The following GALNTL6 variants were observed in gnomAD, a reference collection of about 807,000 sequenced individuals.
GALNTL6 encodes the protein polypeptide N-acetylgalactosaminyltransferase-like 6.
A neutral mutation model predicts 73.7 loss-of-function variants in GALNTL6; 46 were observed. The ratio of observed to expected loss-of-function variants is 0.62; its 90% confidence interval spans 0.49 to 0.80. The LOEUF (loss-of-function observed/expected upper bound fraction) is 0.80. Among genes scored for constraint, GALNTL6 ranks in the 30% least tolerant of loss-of-function variants. The pLI is 0.00. For missense variants in GALNTL6, 604 were observed against 755.0 expected (o/e 0.80, Z 2.34); for synonymous variants, 259 against 263.7 (o/e 0.98, Z 0.17).
At chr4:172,790,739 A>G (rs900200820) in intron 5 of GALNTL6, among the ~76,000 whole-genome samples, 1 of 151,884 alleles carries the variant, frequency 6.6e-6, no homozygotes, top group Non-Finnish European at 1.5e-5. Flanking sequence ...AAAAATACAA[A>G]AAAAATTAGC....
chr4:171,832,924 A>G (rs2110827903), intron 2 of GALNTL6, among the ~76,000 whole-genome samples: 1 of 151,898 alleles, frequency 6.6e-6, no homozygotes, highest in Non-Finnish European at 1.5e-5. Flanking sequence ...TGTTTAAATT[A>G]CCCTCATTTG....
intron 2 of GALNTL6, among the ~76,000 whole-genome samples, chr4:171,874,342 AC>A (rs1736217859): frequency 6.6e-6 from 1 of 152,092 alleles, no homozygotes; most frequent in Non-Finnish European, 1.5e-5. Flanking sequence ...GGCATGCCCC[AC>A]CATGCCAGGC....
chr4:172,736,362 CT>C lies in GALNTL6; in HGVS notation c.554-72998del, dbSNP rs1278999800. On this transcript the variant is annotated intron_variant, in intron 5 of 12. Transcript: ENST00000506823. ...GAAAAAGAATTCAGTGATATTTCCC[CT>C]ATTCGCTTTTGCGAGAAGAGAAATA... Among the ~76,000 whole-genome samples the C allele has an allele frequency of 3.3e-5, 5 of 152,328 alleles. No individual in the cohort carries two copies. In the East Asian group the frequency reaches 5.8e-4, roughly 18 times the overall value.
At chr4:172,367,273 A>G (rs1309951016) in intron 5 of GALNTL6, among the ~76,000 whole-genome samples, 1 of 152,174 alleles carries the variant, frequency 6.6e-6, no homozygotes, top group Non-Finnish European at 1.5e-5. Flanking sequence ...TGGTCTTCCT[A>G]CAAGGATGAA....
At chr4:172,817,851 G>A (rs1215527684) in intron 7 of GALNTL6, among the ~76,000 whole-genome samples, 1 of 152,168 alleles carries the variant, frequency 6.6e-6, no homozygotes, top group East Asian at 1.9e-4. Flanking sequence ...CTTATTGACA[G>A]AAATGTTTTC....
intron 2 of GALNTL6, among the ~76,000 whole-genome samples, chr4:171,837,772 G>A (rs1331007836): frequency 1.3e-5 from 2 of 149,126 alleles, no homozygotes; most frequent in African/African-American, 4.9e-5. Context: ...AATAATGTAA[G>A]GGGGAAAACG....
At position 172,504,171 on chromosome 4, in the gene GALNTL6, A is replaced by AAAAAAAAAAACC. The variant is rs1297265192; in HGVS notation, c.553+155490_553+155491insAACCAAAAAAAA. Reference sequence around the variant, plus strand: ...CGAGACTCTGTCTCAAAAAAAAAAAAAAAAAAAACTCACACCTTGTTGATA... The same window carrying AAAAAAAAAAACC: ...CGAGACTCTGTCTCAAAAAAAAAAAAAAAAAAAAAACCAAAAAAAACTCACACCTTGTTGATA... On this transcript the variant is annotated intron_variant, in intron 5 of 12. Transcript: ENST00000506823. Among the ~76,000 whole-genome samples the AAAAAAAAAAACC allele has an allele frequency of 1.6e-4, 7 of 42,646 alleles. 1 individual carries two copies. The highest frequency in any genetic ancestry group is 4.2e-4 in the African/African-American group (7 of 16,576). 28.0% of individuals were successfully genotyped at this position (42,646 alleles called of 152,430 possible). A position where few individuals can be genotyped will look rare whatever the true frequency, so the allele number is the denominator to read the frequency against.
In GALNTL6 at chr4:172,343,787, T is replaced by C. The variant is rs200059099; in HGVS notation, c.387-4736T>C. Among the ~76,000 whole-genome samples, 151 of 151,262 alleles carry C rather than the reference T, an allele frequency of 1.0e-3. 1 individual carries two copies. The South Asian group carries it at 0.016, about 16-fold the overall frequency. On this transcript the variant is annotated intron_variant, in intron 4 of 12. Coordinates refer to ENST00000506823, the MANE Select transcript of GALNTL6 (RefSeq NM_001034845.3). ...AGAATGTTTACAAAATAATTTGGAT[T>C]TTTTTTTTGGATTTTTAAATGCCTT...
chr4:172,353,965 A>G (rs1263269633), intron 5 of GALNTL6, among the ~76,000 whole-genome samples: 2 of 152,202 alleles, frequency 1.3e-5, no homozygotes, highest in South Asian at 2.1e-4. Flanking sequence ...GAAAGTTTCC[A>G]TAAGCAGACA....
intron 5 of GALNTL6, among the ~76,000 whole-genome samples, chr4:172,403,847 C>T (rs896315843): frequency 1.3e-5 from 2 of 151,798 alleles, no homozygotes; most frequent in Non-Finnish European, 2.9e-5. Context: ...TCTTCAGAAA[C>T]GGTTGATACT....
At chr4:172,747,437 C>CA (rs919533699) in intron 5 of GALNTL6, among the ~76,000 whole-genome samples, 1 of 151,648 alleles carries the variant, frequency 6.6e-6, no homozygotes, top group Non-Finnish European at 1.5e-5. Flanking sequence ...AGCTAATTAT[C>CA]AAAAAAATAC....
At chr4:172,327,311 G>A (rs1740976235) in intron 4 of GALNTL6, among the ~76,000 whole-genome samples, 1 of 152,050 alleles carries the variant, frequency 6.6e-6, no homozygotes, top group Admixed American at 6.6e-5. Flanking sequence ...ACTGTTTTAT[G>A]TCTGATTATG....
At chr4:171,861,446 TG>T (rs1735828836) in intron 2 of GALNTL6, among the ~76,000 whole-genome samples, 4 of 152,240 alleles carry the variant, frequency 2.6e-5, no homozygotes, top group African/African-American at 9.6e-5. Context: ...TTGCTTTTCC[TG>T]ACCTGTCTCC....
intron 10 of GALNTL6, among the ~76,000 whole-genome samples, chr4:172,991,508 T>A (rs1348346448): frequency 2.0e-5 from 3 of 152,082 alleles, no homozygotes; most frequent in Non-Finnish European, 4.4e-5. Flanking sequence ...CAAGCGATTC[T>A]CCTAACTCAG....
chr4:172,034,551 T>A (rs752001521), intron 2 of GALNTL6, among the ~76,000 whole-genome samples: 78 of 152,106 alleles, frequency 5.1e-4, no homozygotes, highest in Non-Finnish European at 4.4e-5. Context: ...CAAGTCAGAC[T>A]CAGTGGTGTG....
At chr4:172,493,585 T>C (rs745444492) in intron 5 of GALNTL6, among the ~76,000 whole-genome samples, 4 of 152,160 alleles carry the variant, frequency 2.6e-5, no homozygotes, top group Non-Finnish European at 5.9e-5. Flanking sequence ...ACATATGATA[T>C]GTAGCTAGAG....
intron 2 of GALNTL6, among the ~76,000 whole-genome samples, chr4:171,986,992 G>C (rs969435977): frequency 1.3e-5 from 2 of 152,112 alleles, no homozygotes; most frequent in African/African-American, 2.4e-5. Context: ...AGTTGAGAAC[G>C]GTGAATAGGC....
At chr4:172,893,695 G>A (rs1252951831) in intron 8 of GALNTL6, among the ~76,000 whole-genome samples, 4 of 152,218 alleles carry the variant, frequency 2.6e-5, no homozygotes, top group African/African-American at 9.6e-5. Context: ...GAAAGCAGGA[G>A]CTGTTGTCAC....
intron 5 of GALNTL6, among the ~76,000 whole-genome samples, chr4:172,634,859 T>C (rs1394193841): frequency 2.6e-5 from 4 of 152,152 alleles, no homozygotes; most frequent in Non-Finnish European, 4.4e-5. Context: ...GGTATTTTAA[T>C]ACAATGCAAT....
Sources: allele counts gnomAD v4.1 joint callset (sites outside exome capture counted in the v4.1 genomes callset), GRCh38; gene constraint gnomAD v4.1.1; transcripts MANE v1.5; gene names NCBI Gene and HGNC (gene_info 2026-07-23, HGNC 2026-07-21).